Variants in LMF1 observed in about 807,000 individuals in gnomAD.
LMF1 encodes the protein lipase maturation factor 1.
Under a neutral mutation model 60.6 loss-of-function variants are expected in LMF1, and 68 were observed. That is an observed-to-expected ratio of 1.12 (90% CI 0.92 to 1.37). The LOEUF is 1.37. LMF1 is among the 40% of genes most tolerant of loss of function. The pLI, the probability that LMF1 is intolerant of heterozygous loss-of-function variation, is 0.00. For missense variants in LMF1, 948 were observed against 767.2 expected (o/e 1.24, Z -2.78); for synonymous variants, 418 against 324.7 (o/e 1.29, Z -3.09).
At chr16:861,938 C>A (rs74001082) in intron 10 of LMF1, among the ~76,000 whole-genome samples, 1 of 152,024 alleles carries the variant, frequency 6.6e-6, no homozygotes, top group Non-Finnish European at 1.5e-5. Context: ...CTTTATCCAG[C>A]GGAGGAAGTT....
At chr16:942,590 G>C (rs4984731) in intron 2 of LMF1, among the ~76,000 whole-genome samples, 32,345 of 100,550 alleles carry the variant, frequency 0.32, 4,388 homozygotes, top group African/African-American at 0.47. Flanking sequence ...TTAGCCCACC[G>C]GGTGCTACGT....
At chr16:934,072 GGGA>G (rs2071869537) in intron 3 of LMF1, 169 bp downstream of exon 3, 1 of 1,518,644 alleles carries the variant, frequency 6.6e-7, no homozygotes, top group Non-Finnish European at 8.8e-7. Context: ...CCCACATCCA[GGGA>G]GGAGGCACGG....
intron 10 of LMF1, among the ~76,000 whole-genome samples, chr16:862,740 C>A (rs548291234): frequency 2.0e-5 from 3 of 152,180 alleles, no homozygotes; most frequent in African/African-American, 7.2e-5. Flanking sequence ...GGCCTGTGGT[C>A]CCAGCTACCT....
chr16:971,109 G>C (rs1052485866), upstream of LMF1: 3 of 1,002,342 alleles, frequency 3.0e-6, no homozygotes, highest in African/African-American at 5.0e-5. Context: ...GGGAGGCCCC[G>C]CTCACAGTCC....
At chr16:959,212 T>C (rs909434518) in intron 1 of LMF1, among the ~76,000 whole-genome samples, 3 of 152,212 alleles carry the variant, frequency 2.0e-5, no homozygotes, top group African/African-American at 7.2e-5. Flanking sequence ...GGAGGTGCAT[T>C]TGTGCAACAG....
chr16:858,926 A>T (rs867901939), intron 10 of LMF1, among the ~76,000 whole-genome samples: 27 of 38,800 alleles, frequency 7.0e-4, no homozygotes, highest in African/African-American at 1.5e-3. Context: ...CAGTGGTGTC[A>T]CGGGACGGGT....
At chr16:911,395 T>C (rs1475013548) in intron 3 of LMF1, among the ~76,000 whole-genome samples, 1 of 152,074 alleles carries the variant, frequency 6.6e-6, no homozygotes, top group African/African-American at 2.4e-5. Context: ...ACCTGACATC[T>C]GAGAATGCGC....
chr16:963,663 T>C (rs1398026167), intron 1 of LMF1, among the ~76,000 whole-genome samples: 1 of 151,978 alleles, frequency 6.6e-6, no homozygotes, highest in Non-Finnish European at 1.5e-5. Flanking sequence ...AGGGACCTAA[T>C]TGGCGCTAGC....
chr16:955,113 C>T (rs1263879229), intron 1 of LMF1, among the ~76,000 whole-genome samples: 35 of 133,714 alleles, frequency 2.6e-4, no homozygotes, highest in South Asian at 4.9e-4. Flanking sequence ...CACACACACA[C>T]ACACATCTAA....
chr16:882,376 C>T (rs891670331), intron 5 of LMF1, among the ~76,000 whole-genome samples: 1 of 152,250 alleles, frequency 6.6e-6, no homozygotes, highest in Non-Finnish European at 1.5e-5. Context: ...TCTGAACTTT[C>T]AAGCTCAGTC....
intron 3 of LMF1, among the ~76,000 whole-genome samples, chr16:928,730 C>T (rs1270328183): frequency 6.6e-6 from 1 of 151,126 alleles, no homozygotes; most frequent in Non-Finnish European, 1.5e-5. Context: ...CCACCCCACA[C>T]CCCCACGGGC....
chr16:929,126 C>T (rs1047106281), intron 3 of LMF1, among the ~76,000 whole-genome samples: 1 of 152,196 alleles, frequency 6.6e-6, no homozygotes, highest in Non-Finnish European at 1.5e-5. Context: ...GCTGTCCCAT[C>T]CCGCGCCTGA....
chr16:869,615 C>A (rs1043872881), intron 9 of LMF1: 3 of 655,260 alleles, frequency 4.6e-6, no homozygotes, highest in Non-Finnish European at 5.7e-6. Context: ...TACAGGGTCT[C>A]GCTATGGCAC....
At chr16:901,023 C>T (rs1422624220) in intron 4 of LMF1, 5 of 152,090 alleles carry the variant, frequency 3.3e-5, no homozygotes, top group African/African-American at 9.7e-5. Context: ...CTGCAGCCAC[C>T]CCAGGACAGC....
chr16:951,726 C>T (rs1348141373), intron 2 of LMF1, among the ~76,000 whole-genome samples: 1 of 152,220 alleles, frequency 6.6e-6, no homozygotes, highest in East Asian at 1.9e-4. Context: ...CTCATGACTC[C>T]TGCAGACCCC....
intron 3 of LMF1, among the ~76,000 whole-genome samples, chr16:926,558 C>T (rs2071612191): frequency 6.6e-6 from 1 of 152,252 alleles, no homozygotes; most frequent in Non-Finnish European, 1.5e-5. Context: ...ATGGACGGAA[C>T]CGGGAGGTTA....
At chr16:913,159 T>C (rs746128280) in intron 3 of LMF1, among the ~76,000 whole-genome samples, 34 of 152,204 alleles carry the variant, frequency 2.2e-4, no homozygotes, top group Non-Finnish European at 4.4e-4. Context: ...GGACCTCCCT[T>C]CCCTTTAGCC....
At chr16:866,981 G>A (rs1194679570) in intron 10 of LMF1, among the ~76,000 whole-genome samples, 1 of 152,148 alleles carries the variant, frequency 6.6e-6, no homozygotes, top group Non-Finnish European at 1.5e-5. Flanking sequence ...TAACGTCCAG[G>A]GATCTTGGTT....
intron 10 of LMF1, 90 bp downstream of exon 10, chr16:868,854 C>T: frequency 1.2e-6 from 1 of 841,090 alleles, no homozygotes; most frequent in Admixed American, 1.8e-5. Flanking sequence ...TTCCCGTGAG[C>T]AGGTGGGGGT....
Sources: allele counts gnomAD v4.1 joint callset (sites outside exome capture counted in the v4.1 genomes callset), GRCh38; gene constraint gnomAD v4.1.1; transcripts MANE v1.5; gene names NCBI Gene and HGNC (gene_info 2026-07-23, HGNC 2026-07-21).